The following AGAP1 variants were observed in gnomAD, a reference collection of about 807,000 sequenced individuals.
AGAP1 encodes the protein arf-GAP with GTPase, ANK repeat and PH domain-containing protein 1.
A neutral mutation model predicts 105.3 loss-of-function variants in AGAP1; 29 were observed. The observed-to-expected ratio is 0.28, with a 90% confidence interval of 0.21 to 0.38. AGAP1 has a LOEUF of 0.38. AGAP1 is among the 10% of genes least tolerant of loss of function. The pLI is 1.00. For synonymous variants in AGAP1, 509 were observed against 485.9 expected (o/e 1.05, Z -0.63); for missense variants, 998 against 1,165.1 (o/e 0.86, Z 2.09).
intron 1 of AGAP1, chr2:235,669,583 C>G (rs1457464947): frequency 4.1e-5 from 6 of 147,970 alleles, no homozygotes; most frequent in Non-Finnish European, 9.1e-5. Flanking sequence ...CGTCGGCCCC[C>G]GTCGCCCGCC....
At position 236,000,343 on chromosome 2, in the gene AGAP1, T is replaced by C. The variant is rs2056062579; in HGVS notation, c.1645+31720T>C. 6.6e-6 allele frequency among the ~76,000 whole-genome samples: 1 copy of C among 152,226 alleles called. No homozygotes were observed. On this transcript the variant is annotated intron_variant, in intron 13 of 17. Transcript: ENST00000304032. This position sits in a 1 kb window ranked among gnomAD's most constrained non-coding sequence, Gnocchi z 4.3. ...AACAAAGTTATTTGAGGACCTGCTG[T>C]ACACAGTTTTGCTTAAAGTCACACA... is the stretch of plus-strand genomic sequence containing the variant.
At chr2:235,806,883 G>A (rs1463135438) in intron 8 of AGAP1, among the ~76,000 whole-genome samples, 1 of 152,196 alleles carries the variant, frequency 6.6e-6, no homozygotes, top group African/African-American at 2.4e-5. Context: ...ACATTGAGCA[G>A]CCCCTTTTTT....
At chr2:235,709,109 C>G (rs1229723281) in intron 1 of AGAP1, 70 bp from the exon 2 acceptor site, 2 of 1,485,490 alleles carry the variant, frequency 1.3e-6, no homozygotes, top group Non-Finnish European at 1.9e-6. Flanking sequence ...GAAAATGGCC[C>G]ATTGGAGGCA....
chr2:235,978,552 G>A (rs1261541328), intron 13 of AGAP1, among the ~76,000 whole-genome samples: 2 of 152,332 alleles, frequency 1.3e-5, no homozygotes, highest in East Asian at 3.9e-4. Context: ...CACAAATGAG[G>A]AAGAGGGTTG....
intron 15 of AGAP1, among the ~76,000 whole-genome samples, chr2:236,041,233 C>A (rs887975384): frequency 6.6e-6 from 1 of 150,378 alleles, no homozygotes; most frequent in African/African-American, 2.5e-5. Flanking sequence ...TGGCAGCTGG[C>A]TTACTTTTTG....
In AGAP1 at chr2:235,811,756, A is replaced by G. The variant is rs186325850; in HGVS notation, c.1050+4425A>G. Among the ~76,000 whole-genome samples, 433 of 152,346 alleles carry G rather than the reference A, an allele frequency of 2.8e-3. 2 individuals are homozygous for G. Among genetic ancestry groups the G allele is most frequent in the East Asian group, 0.02 (101 of 5,156 alleles). ...CCCCCGGCCCGGCCCAGCTCTGGCC[A>G]GGGTGTCTCACGCTCTTGGTTTTGT... On this transcript the variant is annotated intron_variant, in intron 9 of 17. Coordinates refer to ENST00000304032, the MANE Select transcript of AGAP1 (RefSeq NM_001037131.3).
intron 6 of AGAP1, among the ~76,000 whole-genome samples, chr2:235,767,176 G>A (rs1955031200): frequency 6.6e-6 from 1 of 152,166 alleles, no homozygotes; most frequent in African/African-American, 2.4e-5. Flanking sequence ...CTCCCAAAGT[G>A]CTGGGATTGC....
rs368292846 is a variant in AGAP1 at position 235,691,194 on chromosome 2, G to A, written c.164-17985G>A. Among the ~76,000 whole-genome samples the A allele has an allele frequency of 7.2e-5, 11 of 152,296 alleles. No homozygotes were observed. In the East Asian group the frequency reaches 1.9e-3, roughly 27 times the overall value. On this transcript the variant is annotated intron_variant, in intron 1 of 17. Transcript: ENST00000304032. This position sits in a 1 kb window ranked among gnomAD's most constrained non-coding sequence, Gnocchi z 4.4. ...GAGACCCCAGCCCCGAGAGGCTCTG[G>A]GCTGCTGGATGCTGGTGCCTTTTCC...
Position 235,930,972 on chromosome 2 carries a change from C to T in AGAP1, c.1483+49C>T, listed in dbSNP as rs77020450. ...GACCCGCAGCCACCTCAAGGTCCTT[C>T]GTTGTAAGCCAGGGGCTGGACAGGA... On this transcript the variant is annotated intron_variant, in intron 12 of 17. Transcript: ENST00000304032. This position sits in a 1 kb window ranked among gnomAD's most constrained non-coding sequence, Gnocchi z 7.9. 283,831 of 1,590,942 alleles carry T rather than the reference C, an allele frequency of 0.18. 27,022 individuals are homozygous for T. The highest frequency in any genetic ancestry group is 0.27 in the South Asian group (24,147 of 87,964).
chr2:236,040,489 T>C lies in AGAP1; in HGVS notation c.1801-262T>C. The C allele has an allele frequency of 1.9e-6, 1 of 522,098 alleles. No individual in the cohort carries two copies. Among genetic ancestry groups the C allele is most frequent in the Non-Finnish European group, 3.4e-6 (1 of 290,224 alleles). The allele number at this position is 522,098 out of a possible 1,614,324, so 32.3% of individuals were successfully genotyped here. A position where few individuals can be genotyped will look rare whatever the true frequency, so the allele number is the denominator to read the frequency against. ...CGTATTCACAGATGATCCAGAACTC[T>C]CCTCTTTGCTCATTTCTGGCAGAGT... On this transcript the variant is annotated intron_variant, in intron 14 of 17. Coordinates refer to ENST00000304032, the MANE Select transcript of AGAP1 (RefSeq NM_001037131.3). This position sits in a 1 kb window ranked among gnomAD's most constrained non-coding sequence, Gnocchi z 5.6.
At chr2:235,987,945 A>G (rs1172119294) in intron 13 of AGAP1, among the ~76,000 whole-genome samples, 1 of 152,222 alleles carries the variant, frequency 6.6e-6, no homozygotes, top group Non-Finnish European at 1.5e-5. Flanking sequence ...TGATATAAAC[A>G]TGTTAAAAAT....
chr2:235,543,097 T>TCCCCCCCCC (rs1165093900), intron 1 of AGAP1, among the ~76,000 whole-genome samples: 2 of 66,634 alleles, frequency 3.0e-5, no homozygotes, highest in African/African-American at 6.2e-5. Context: ...CTCCTCCCCC[T>TCCCCCCCCC]CCCCCCCCCC....
intron 6 of AGAP1, among the ~76,000 whole-genome samples, chr2:235,794,181 C>T (rs371740949): frequency 3.1e-4 from 47 of 152,256 alleles, no homozygotes; most frequent in East Asian, 2.7e-3. Flanking sequence ...CACACACACA[C>T]GCACACTTGC....
At chr2:235,844,591 C>T (rs990696467) in intron 9 of AGAP1, among the ~76,000 whole-genome samples, 1 of 152,262 alleles carries the variant, frequency 6.6e-6, no homozygotes, top group East Asian at 1.9e-4. Context: ...CTGACCTTCC[C>T]ACGAAGCTCC....
chr2:235,898,716 C>G (rs1403076120), intron 10 of AGAP1, among the ~76,000 whole-genome samples: 2 of 152,100 alleles, frequency 1.3e-5, no homozygotes, highest in Non-Finnish European at 2.9e-5. Context: ...CTCAGTGAAC[C>G]CTCGCAACAG....
chr2:235,773,354 A>C (rs971573786), intron 6 of AGAP1, among the ~76,000 whole-genome samples: 1 of 152,238 alleles, frequency 6.6e-6, no homozygotes. Context: ...GCCTACGGTC[A>C]GTCTGATTGG....
At chr2:235,541,923 A>G (rs1032143280) in intron 1 of AGAP1, among the ~76,000 whole-genome samples, 1 of 152,172 alleles carries the variant, frequency 6.6e-6, no homozygotes, top group Non-Finnish European at 1.5e-5. Flanking sequence ...TCACTGCTGT[A>G]TAATATTCTA....
At chr2:235,561,329 G>A (rs1008012292) in intron 1 of AGAP1, among the ~76,000 whole-genome samples, 3 of 152,150 alleles carry the variant, frequency 2.0e-5, no homozygotes, top group African/African-American at 7.2e-5. Flanking sequence ...GAGCTGCTGG[G>A]GTCTGCGGGT....
rs542941593 is a variant in AGAP1 at position 235,771,761 on chromosome 2, G to A, written c.673+21273G>A. ...CACTCCTTACCTCCCCCTCTTCCCA[G>A]CACTCCTGTCTCTCCCCAGTGTTAG... On this transcript the variant is annotated intron_variant, in intron 6 of 17. Coordinates refer to ENST00000304032, the MANE Select transcript of AGAP1 (RefSeq NM_001037131.3). Among the ~76,000 whole-genome samples, 908 of 152,132 alleles carry A rather than the reference G, an allele frequency of 6.0e-3. 8 individuals are homozygous for A. Among genetic ancestry groups the A allele is most frequent in the African/African-American group, 0.021 (882 of 41,524 alleles).
Sources: allele counts gnomAD v4.1 joint callset (sites outside exome capture counted in the v4.1 genomes callset), GRCh38; gene constraint gnomAD v4.1.1; non-coding constraint Gnocchi (gnomAD v3.1); transcripts MANE v1.5; gene names NCBI Gene and HGNC (gene_info 2026-07-23, HGNC 2026-07-21).